SHC4: variants seen among roughly 807,000 people sequenced by gnomAD.
SHC4 encodes SHC-transforming protein 4.
Under a neutral mutation model 69.4 loss-of-function variants are expected in SHC4, and 41 were observed. The observed-to-expected ratio is 0.59, with a 90% CI of 0.46 to 0.77. SHC4 has a LOEUF of 0.77. SHC4 is among the 30% of genes least tolerant of loss of function. The pLI, the probability that SHC4 is intolerant of heterozygous loss-of-function variation, is 0.00. For missense variants in SHC4, 777 were observed against 783.8 expected (o/e 0.99, Z 0.10); for synonymous variants, 318 against 299.3 (o/e 1.06, Z -0.64).
chr15:48,852,520 G>T lies in SHC4; in HGVS notation c.1243-1272C>A, dbSNP rs548585688. Reference sequence around the variant, plus strand: ...CATAATAAAATGTTGGAAAATGTGAGAAAATGAAAGGAAAGCAGCAACTAG... The same window carrying T: ...CATAATAAAATGTTGGAAAATGTGATAAAATGAAAGGAAAGCAGCAACTAG... On this transcript the variant is annotated intron_variant, in intron 8 of 11. Coordinates refer to ENST00000332408, the MANE Select transcript of SHC4 (RefSeq NM_203349.4). Among the ~76,000 whole-genome samples the T allele has an allele frequency of 2.0e-5, 3 of 152,234 alleles. No individual in the cohort carries two copies. In the South Asian group the frequency reaches 6.2e-4, roughly 32 times the overall value.
intron 1 of SHC4, among the ~76,000 whole-genome samples, chr15:48,928,211 T>C (rs1595760809): frequency 6.6e-6 from 1 of 152,108 alleles, no homozygotes; most frequent in Admixed American, 6.6e-5. Flanking sequence ...AGCAATGTAC[T>C]TCATGTTTGT....
chr15:48,897,681 T>A (rs1900247500), intron 2 of SHC4, among the ~76,000 whole-genome samples: 3 of 147,364 alleles, frequency 2.0e-5, no homozygotes, highest in Admixed American at 6.9e-5. Context: ...AGCCAGAAAA[T>A]GTGCAACATG....
chr15:48,931,036 G>A (rs1476156220), intron 1 of SHC4, among the ~76,000 whole-genome samples: 1 of 152,182 alleles, frequency 6.6e-6, no homozygotes, highest in African/African-American at 2.4e-5. Flanking sequence ...ACCTACCGCT[G>A]TCGACCTTTA....
At chr15:48,932,397 A>G (rs1187380076) in intron 1 of SHC4, among the ~76,000 whole-genome samples, 1 of 152,156 alleles carries the variant, frequency 6.6e-6, no homozygotes, top group Non-Finnish European at 1.5e-5. Flanking sequence ...CAGGAATCAC[A>G]CTTTGGAGAA....
intron 2 of SHC4, among the ~76,000 whole-genome samples, chr15:48,895,441 T>C (rs1475705646): frequency 6.6e-6 from 1 of 152,072 alleles, no homozygotes; most frequent in African/African-American, 2.4e-5. Context: ...CCTAACATAG[T>C]GAGGCGCAGC....
intron 6 of SHC4, among the ~76,000 whole-genome samples, chr15:48,866,038 T>G (rs764204184): frequency 1.3e-5 from 2 of 152,256 alleles, no homozygotes; most frequent in East Asian, 1.9e-4. Context: ...AGAGATATTC[T>G]GTGACTGACG....
Position 48,963,625 on chromosome 15 carries a change from G to A in SHC4, c.-610C>T, listed in dbSNP as rs1901584473. On this transcript the variant is annotated 5_prime_UTR_variant, in exon 1 of 12. Transcript: ENST00000332408. Reference sequence around the variant, plus strand: ...TTCCAAAGGCTGCCCTCTCTTGGAAGATCTTGTCTTGCATCCCGTTCTGGG... The same window carrying A: ...TTCCAAAGGCTGCCCTCTCTTGGAAAATCTTGTCTTGCATCCCGTTCTGGG... 6.6e-6 allele frequency among the ~76,000 whole-genome samples: 1 copy of A among 152,188 alleles called. No individual in the cohort carries two copies. The highest frequency in any genetic ancestry group is 2.1e-4 in the South Asian group (1 of 4,834).
intron 2 of SHC4, among the ~76,000 whole-genome samples, chr15:48,899,447 C>T (rs2141010764): frequency 6.6e-6 from 1 of 152,178 alleles, no homozygotes; most frequent in African/African-American, 2.4e-5. Context: ...ACCTGGGTGA[C>T]AGAGCAACCC....
At chr15:48,841,610 C>T (rs1898989525) in intron 10 of SHC4, among the ~76,000 whole-genome samples, 1 of 152,188 alleles carries the variant, frequency 6.6e-6, no homozygotes, top group African/African-American at 2.4e-5. Flanking sequence ...CAATGTAGGA[C>T]AACTCCGACA....
intron 2 of SHC4, among the ~76,000 whole-genome samples, chr15:48,891,725 C>T (rs1900140818): frequency 6.6e-6 from 1 of 152,226 alleles, no homozygotes; most frequent in African/African-American, 2.4e-5. Context: ...TACACATACA[C>T]ATGCAACATT....
At chr15:48,893,612 A>C (rs1234215402) in intron 2 of SHC4, among the ~76,000 whole-genome samples, 1 of 152,218 alleles carries the variant, frequency 6.6e-6, no homozygotes, top group Non-Finnish European at 1.5e-5. Flanking sequence ...AGACGGGAAA[A>C]TATTCACATT....
intron 2 of SHC4, among the ~76,000 whole-genome samples, chr15:48,924,183 T>C (rs927450140): frequency 1.3e-5 from 2 of 152,142 alleles, no homozygotes; most frequent in Non-Finnish European, 1.5e-5. Flanking sequence ...GATGCCCAAG[T>C]CTTCATTCTG....
rs143437505 is a variant in SHC4, at chr15:48,882,464, C to T, written c.840+1784G>A. ...CTGGTAATGAAAACCACCCGTTATC[C>T]TCACCTCTGTTTTGCCTGAAAGATT... On this transcript the variant is annotated intron_variant, in intron 4 of 11. Coordinates refer to ENST00000332408, the MANE Select transcript of SHC4 (RefSeq NM_203349.4). 9.2e-3 allele frequency among the ~76,000 whole-genome samples: 1,402 copies of T among 152,230 alleles called. 17 individuals are homozygous for T. Among genetic ancestry groups the T allele is most frequent in the Non-Finnish European group, 0.012 (787 of 68,006 alleles).
At chr15:48,910,871 GTT>G (rs1194444232) in intron 2 of SHC4, among the ~76,000 whole-genome samples, 1 of 152,160 alleles carries the variant, frequency 6.6e-6, no homozygotes, top group African/African-American at 2.4e-5. Context: ...TATTTGCAGG[GTT>G]TTGAAGGTTC....
intron 10 of SHC4, among the ~76,000 whole-genome samples, chr15:48,837,106 T>C (rs1471280473): frequency 3.6e-4 from 55 of 152,188 alleles, no homozygotes; most frequent in Admixed American, 6.5e-5. Context: ...CACGTCTTAA[T>C]GCGTGATGGC....
At chr15:48,916,271 GCTCACACACA>G (rs1433638295) in intron 2 of SHC4, among the ~76,000 whole-genome samples, 56 of 108,622 alleles carry the variant, frequency 5.2e-4, no homozygotes, top group African/African-American at 8.5e-4. Context: ...GCTGATGGTT[GCTCACACACA>G]CACACACACA....
chr15:48,856,226 C>T (rs1899312719), intron 7 of SHC4, 102 bp from the exon 8 acceptor site: 3 of 1,153,008 alleles, frequency 2.6e-6, no homozygotes, highest in Non-Finnish European at 3.7e-6. Context: ...AAAAACTTTG[C>T]ATTCATGTTT....
intron 8 of SHC4, among the ~76,000 whole-genome samples, chr15:48,852,948 TAAAAATA>T (rs1221048094): frequency 2.4e-5 from 3 of 124,930 alleles, no homozygotes; most frequent in Non-Finnish European, 5.5e-5. Context: ...ATAAATAAAA[TAAAAATA>T]AAAAATAAAA....
At chr15:48,874,250 T>C (rs1008836819) in intron 4 of SHC4, among the ~76,000 whole-genome samples, 60 of 152,246 alleles carry the variant, frequency 3.9e-4, no homozygotes, top group African/African-American at 1.4e-3. Context: ...AGTCTAAAAA[T>C]AGACTCATGT....
Sources: gnomAD v4.1 joint callset for allele counts (sites outside exome capture counted in the v4.1 genomes callset) on GRCh38, gnomAD v4.1.1 for gene constraint, MANE v1.5 for transcripts, NCBI Gene and HGNC (gene_info 2026-07-23, HGNC 2026-07-21) for gene names.